Variants in LOC122539214 observed in about 807,000 individuals in gnomAD.
At chr19:52,670,829 A>C in the LOC122539214 span, among the ~76,000 whole-genome samples, 1 of 152,208 alleles carries the variant, frequency 6.6e-6, no homozygotes, top group Admixed American at 6.5e-5. Context: ...GGTAAATTTA[A>C]ACATTTTCTG....
the LOC122539214 span, chr19:52,652,898 G>T: frequency 9.1e-7 from 1 of 1,102,632 alleles, no homozygotes; most frequent in Non-Finnish European, 1.4e-6. Flanking sequence ...CACTTGTAAG[G>T]TTTCTCTCCA....
the LOC122539214 span, among the ~76,000 whole-genome samples, chr19:52,657,040 T>A: frequency 1.3e-5 from 2 of 151,882 alleles, no homozygotes; most frequent in African/African-American, 4.8e-5. Flanking sequence ...TGCTTGAGCC[T>A]GGAGAGCAGA....
the LOC122539214 span, among the ~76,000 whole-genome samples, chr19:52,658,283 G>A: frequency 6.6e-6 from 1 of 152,024 alleles, no homozygotes; most frequent in African/African-American, 2.4e-5. Flanking sequence ...TCTGGCTCAT[G>A]CCTGTAATTT....
At chr19:52,689,608 A>C in the LOC122539214 span, among the ~76,000 whole-genome samples, 1 of 151,954 alleles carries the variant, frequency 6.6e-6, no homozygotes, top group Non-Finnish European at 1.5e-5. Flanking sequence ...ACATTTCTGC[A>C]CTTGCTTTTC....
the LOC122539214 span, among the ~76,000 whole-genome samples, chr19:52,681,720 A>T: frequency 6.6e-6 from 1 of 152,258 alleles, no homozygotes; most frequent in African/African-American, 2.4e-5. Context: ...ATACAGCTTC[A>T]AAACTAAACT....
chr19:52,671,887 A>C, the LOC122539214 span, among the ~76,000 whole-genome samples: 1 of 152,234 alleles, frequency 6.6e-6, no homozygotes, highest in Admixed American at 6.5e-5. Flanking sequence ...TACTAAGAAT[A>C]CATTGCAGTC....
the LOC122539214 span, among the ~76,000 whole-genome samples, chr19:52,689,982 C>T: frequency 3.9e-5 from 6 of 152,236 alleles, no homozygotes; most frequent in Admixed American, 2.6e-4. Flanking sequence ...AGGTGGGGGG[C>T]GACGGCGCCT....
the LOC122539214 span, among the ~76,000 whole-genome samples, chr19:52,679,457 A>G: frequency 4.6e-5 from 7 of 152,136 alleles, no homozygotes; most frequent in Non-Finnish European, 8.8e-5. Flanking sequence ...CTAAAAATAC[A>G]AAAACTGGCC....
chr19:52,684,751 G>A, the LOC122539214 span, among the ~76,000 whole-genome samples: 3 of 152,098 alleles, frequency 2.0e-5, no homozygotes, highest in Non-Finnish European at 4.4e-5. Context: ...CATAGGGTAA[G>A]AGCAGGGACA....
chr19:52,657,496 C>T, the LOC122539214 span, among the ~76,000 whole-genome samples: 1 of 150,248 alleles, frequency 6.7e-6, no homozygotes, highest in African/African-American at 2.4e-5. Flanking sequence ...CCACTGCACT[C>T]CAGCCTGGGT....
chr19:52,680,612 T>C, the LOC122539214 span, among the ~76,000 whole-genome samples: 1 of 115,396 alleles, frequency 8.7e-6, no homozygotes, highest in African/African-American at 3.0e-5. Flanking sequence ...AAATATTTTT[T>C]TTTTTTTTTT....
chr19:52,653,327 C>T, the LOC122539214 span: 15 of 1,286,670 alleles, frequency 1.2e-5, no homozygotes, highest in East Asian at 1.8e-4. Context: ...GGTTTCTCTC[C>T]AGTATGAACT....
chr19:52,660,521 G>A, the LOC122539214 span, among the ~76,000 whole-genome samples: 2 of 152,110 alleles, frequency 1.3e-5, no homozygotes, highest in Non-Finnish European at 1.5e-5. Context: ...GGGATGCTGA[G>A]GCATGAGAAT....
the LOC122539214 span, among the ~76,000 whole-genome samples, chr19:52,678,470 A>C: frequency 6.6e-6 from 1 of 151,552 alleles, no homozygotes; most frequent in Admixed American, 6.6e-5. Flanking sequence ...AAAAAGAAAA[A>C]AGAAAAAAAA....
At chr19:52,674,410 T>C in the LOC122539214 span, among the ~76,000 whole-genome samples, 1 of 152,198 alleles carries the variant, frequency 6.6e-6, no homozygotes, top group African/African-American at 2.4e-5. Context: ...CAATCAATAC[T>C]GACTGTCCTA....
At chr19:52,687,361 A>G in the LOC122539214 span, among the ~76,000 whole-genome samples, 1 of 83,776 alleles carries the variant, frequency 1.2e-5, no homozygotes, top group Non-Finnish European at 2.1e-5. Context: ...AGCTATATAA[A>G]TTATAATATA....
At chr19:52,673,765 G>A in the LOC122539214 span, among the ~76,000 whole-genome samples, 1 of 150,430 alleles carries the variant, frequency 6.6e-6, no homozygotes, top group Non-Finnish European at 1.5e-5. Flanking sequence ...CAGGAGCAGT[G>A]GCTCTTTGGG....
At chr19:52,670,295 T>C in the LOC122539214 span, among the ~76,000 whole-genome samples, 13 of 152,156 alleles carry the variant, frequency 8.5e-5, no homozygotes, top group Admixed American at 7.2e-4. Context: ...ACTCACCTTG[T>C]CACTCTCTTT....
the LOC122539214 span, among the ~76,000 whole-genome samples, chr19:52,688,074 CAA>C: frequency 0.015 from 2,253 of 152,078 alleles, 11 homozygotes; most frequent in Middle Eastern, 0.044. Context: ...ATAATTTAAT[CAA>C]GTTTTAAATT....
Sources: gnomAD v4.1 joint callset for allele counts (sites outside exome capture counted in the v4.1 genomes callset) on GRCh38, gnomAD v4.1.1 for gene constraint, MANE v1.5 for transcripts.